The following ERCC6L2 variants were observed in gnomAD, a reference collection of about 807,000 sequenced individuals.
The protein encoded by ERCC6L2 is DNA excision repair protein ERCC-6-like 2.
ERCC6L2 carries 77 observed loss-of-function variants against 132.0 expected under a neutral mutation model. That is an observed-to-expected ratio of 0.58 (90% CI 0.49 to 0.71). The LOEUF is 0.71. Among genes scored for constraint, ERCC6L2 ranks in the 30% least tolerant of loss-of-function variants. ERCC6L2 has a pLI of 0.00. For missense variants in ERCC6L2, 1,542 were observed against 1,837.6 expected (o/e 0.84, Z 2.94); for synonymous variants, 583 against 632.4 (o/e 0.92, Z 1.17).
chr9:95,975,952 A>C (rs1011600331), intron 16 of ERCC6L2, among the ~76,000 whole-genome samples: 9 of 151,926 alleles, frequency 5.9e-5, no homozygotes, highest in African/African-American at 2.2e-4. Flanking sequence ...ACGTTGATTC[A>C]TGTCTTTTTC....
chr9:95,881,480 T>G (rs1056624286), intron 2 of ERCC6L2, among the ~76,000 whole-genome samples, 187 bp downstream of exon 2: 3 of 152,232 alleles, frequency 2.0e-5, no homozygotes, highest in African/African-American at 7.2e-5. Context: ...TATTTTATCA[T>G]TCTTCAGTAC....
intron 12 of ERCC6L2, among the ~76,000 whole-genome samples, chr9:95,949,347 A>T (rs1215674145): frequency 1.3e-5 from 2 of 152,206 alleles, no homozygotes; most frequent in Non-Finnish European, 2.9e-5. Flanking sequence ...ATACAAATAC[A>T]AGAAGATCAA....
intron 18 of ERCC6L2, among the ~76,000 whole-genome samples, chr9:96,005,169 C>T (rs953164822): frequency 6.6e-6 from 1 of 152,000 alleles, no homozygotes; most frequent in African/African-American, 2.4e-5. Flanking sequence ...AAAAATTAGC[C>T]GGGCGTGGTG....
At chr9:96,027,159 CCACACCACACACACACACACCA>C (rs1243908716) in intron 19 of ERCC6L2, among the ~76,000 whole-genome samples, 1 of 147,344 alleles carries the variant, frequency 6.8e-6, no homozygotes, top group Admixed American at 6.8e-5. Context: ...CCCACATGCA[CCACACCACACACACACACACCA>C]CACACCACAC....
chr9:95,898,155 A>G (rs1397555174), intron 3 of ERCC6L2, among the ~76,000 whole-genome samples, 184 bp downstream of exon 3: 1 of 152,104 alleles, frequency 6.6e-6, no homozygotes, highest in African/African-American at 2.4e-5. Flanking sequence ...TTTATTCCCA[A>G]GTTAAATTTG....
At chr9:95,935,252 GAA>G (rs1830505016) in intron 11 of ERCC6L2, among the ~76,000 whole-genome samples, 1 of 152,136 alleles carries the variant, frequency 6.6e-6, no homozygotes, top group Non-Finnish European at 1.5e-5. Flanking sequence ...TTATTAAAAA[GAA>G]AAGGAAAAGC....
intron 12 of ERCC6L2, among the ~76,000 whole-genome samples, chr9:95,946,169 CTT>C (rs1163278734): frequency 6.6e-6 from 1 of 152,096 alleles, no homozygotes; most frequent in African/African-American, 2.4e-5. Context: ...AGCCAAAACT[CTT>C]ATATATGATG....
intron 6 of ERCC6L2, among the ~76,000 whole-genome samples, chr9:95,916,960 C>T (rs902091085): frequency 6.6e-6 from 1 of 152,130 alleles, no homozygotes; most frequent in Non-Finnish European, 1.5e-5. Context: ...ACTGGAATTA[C>T]AGGCGTGAGC....
intron 7 of ERCC6L2, among the ~76,000 whole-genome samples, chr9:95,921,834 G>T (rs1417469028): frequency 1.3e-5 from 2 of 152,064 alleles, no homozygotes; most frequent in East Asian, 3.9e-4. Context: ...TCACATATCT[G>T]TGTACGTAGA....
chr9:96,024,077 A>G (rs2133254218), intron 19 of ERCC6L2, among the ~76,000 whole-genome samples: 1 of 152,360 alleles, frequency 6.6e-6, no homozygotes, highest in Admixed American at 6.5e-5. Context: ...TTTCTTAAAC[A>G]CGAATCACTT....
At chr9:95,926,603 A>G (rs1231904279) in intron 9 of ERCC6L2, among the ~76,000 whole-genome samples, 1 of 152,192 alleles carries the variant, frequency 6.6e-6, no homozygotes, top group African/African-American at 2.4e-5. Flanking sequence ...TAAAAAGAAC[A>G]GTGGTTGCTA....
At chr9:96,032,118 T>A (rs905979481) in intron 19 of ERCC6L2, among the ~76,000 whole-genome samples, 8 of 151,930 alleles carry the variant, frequency 5.3e-5, no homozygotes, top group African/African-American at 1.9e-4. Context: ...TGTGGCTGGG[T>A]ATCCCCGGCC....
At position 95,881,026 on chromosome 9, in the gene ERCC6L2, G is replaced by GTGAAA. The variant is rs1827560477; in HGVS notation, c.204_205insTGAAA (p.Leu69Ter). ...AAGAAAGGAAAATACCTCTTAAACA[G>GTGAAA]CTTCAAGAAGTGAAATTTGTTAAAG... is the stretch of plus-strand genomic sequence containing the variant. On this transcript the variant is annotated stop_gained and frameshift_variant, in exon 2 of 19. Coordinates refer to ENST00000653738, the MANE Select transcript of ERCC6L2 (RefSeq NM_020207.7). LOFTEE classifies it high-confidence loss of function. 1 of 1,613,818 alleles carries GTGAAA rather than the reference G, an allele frequency of 6.2e-7. No individual in the cohort carries two copies. Among genetic ancestry groups the GTGAAA allele is most frequent in the Non-Finnish European group, 8.5e-7 (1 of 1,179,908 alleles).
intron 3 of ERCC6L2, among the ~76,000 whole-genome samples, chr9:95,904,364 A>G (rs372476902): frequency 6.5e-4 from 99 of 152,244 alleles, no homozygotes; most frequent in Non-Finnish European, 1.3e-3. Context: ...TCATTCATCA[A>G]TTGAATACCT....
intron 3 of ERCC6L2, among the ~76,000 whole-genome samples, chr9:95,905,449 T>C (rs992297329): frequency 6.6e-6 from 1 of 152,202 alleles, no homozygotes; most frequent in Admixed American, 6.5e-5. Context: ...TTGGCACCTT[T>C]GATGAATGGC....
intron 3 of ERCC6L2, among the ~76,000 whole-genome samples, chr9:95,899,598 A>ATGTGTGTGTGTG (rs763050798): frequency 3.4e-4 from 39 of 113,262 alleles, no homozygotes; most frequent in African/African-American, 1.6e-3. Flanking sequence ...CTTTATATAT[A>ATGTGTGTGTGTG]TATGTGTGTG....
At position 95,941,576 on chromosome 9, in the gene ERCC6L2, A is replaced by G. The variant is rs751614517; in HGVS notation, c.1847+27A>G. 6.2e-6 allele frequency: 9 copies of G among 1,458,798 alleles called. No homozygotes were observed. The African/African-American group carries it at 1.1e-4, about 18-fold the overall frequency. The allele number at this position is 1,458,798 out of a possible 1,614,324, so 90.4% of individuals were successfully genotyped here. ...TATAATACTGACAAAATTTAAAGTG[A>G]TCTGCAAATACTTTTAATCTAAAAA... On this transcript the variant is annotated intron_variant, in intron 12 of 18. Transcript: ENST00000653738.
intron 1 of ERCC6L2, among the ~76,000 whole-genome samples, chr9:95,877,843 G>C (rs1033114236): frequency 6.6e-6 from 1 of 151,988 alleles, no homozygotes; most frequent in East Asian, 1.9e-4. Flanking sequence ...TAATAAATTC[G>C]CATGTTCACT....
At chr9:95,998,532 A>G (rs922461420) in intron 17 of ERCC6L2, among the ~76,000 whole-genome samples, 10 of 152,236 alleles carry the variant, frequency 6.6e-5, no homozygotes, top group Admixed American at 2.0e-4. Flanking sequence ...TATTAAAAGC[A>G]GAGCGCCTTT....
Sources: allele counts gnomAD v4.1 joint callset (sites outside exome capture counted in the v4.1 genomes callset), GRCh38; gene constraint gnomAD v4.1.1; transcripts MANE v1.5; gene names NCBI Gene and HGNC (gene_info 2026-07-23, HGNC 2026-07-21).